The following PDE4B variants were observed in gnomAD, a reference collection of about 807,000 sequenced individuals.
PDE4B encodes phosphodiesterase 4B.
Under a neutral mutation model 82.2 loss-of-function variants are expected in PDE4B, and 20 were observed. The ratio of observed to expected loss-of-function variants is 0.24; its 90% confidence interval spans 0.17 to 0.35. The LOEUF is 0.35. Ranked by LOEUF, PDE4B falls within the 10% of genes least tolerant of loss-of-function variation. The probability of loss-of-function intolerance (pLI) is 1.00; values close to 1 mark genes in which losing one functional copy is unlikely to be tolerated. For missense variants in PDE4B, 655 were observed against 907.2 expected (o/e 0.72, Z 3.57); for synonymous variants, 320 against 318.9 (o/e 1.00, Z -0.04).
intron 9 of PDE4B, among the ~76,000 whole-genome samples, chr1:66,358,737 G>A (rs1471272488): frequency 6.6e-6 from 1 of 151,222 alleles, no homozygotes; most frequent in South Asian, 2.1e-4. Flanking sequence ...GTAAGACCAT[G>A]GCAACCACCT....
chr1:65,930,246 T>C (rs1437757065), intron 3 of PDE4B, among the ~76,000 whole-genome samples: 3 of 152,166 alleles, frequency 2.0e-5, no homozygotes, highest in Non-Finnish European at 2.9e-5. Flanking sequence ...AGATTAAGGG[T>C]GAATCCTCTT....
intron 1 of PDE4B, among the ~76,000 whole-genome samples, chr1:65,877,642 A>T (rs1646661750): frequency 6.6e-6 from 1 of 150,920 alleles, no homozygotes; most frequent in South Asian, 2.1e-4. Flanking sequence ...TAAATAAATA[A>T]ATAAATAAAT....
intron 1 of PDE4B, among the ~76,000 whole-genome samples, chr1:65,912,210 T>C (rs1049637324): frequency 6.6e-6 from 1 of 152,210 alleles, no homozygotes; most frequent in African/African-American, 2.4e-5. Flanking sequence ...TGTATTGTCT[T>C]GTAGTCTGTT....
chr1:65,808,319 GCAC>G (rs935852792), intron 1 of PDE4B, among the ~76,000 whole-genome samples: 1 of 151,948 alleles, frequency 6.6e-6, no homozygotes, highest in African/African-American at 2.4e-5. Context: ...CTACAGGCAT[GCAC>G]CACCACACCT....
intron 3 of PDE4B, among the ~76,000 whole-genome samples, chr1:66,069,491 G>T (rs912991109): frequency 1.3e-5 from 2 of 151,768 alleles, no homozygotes; most frequent in Admixed American, 6.6e-5. Flanking sequence ...TCTGCCTTTA[G>T]CATTTTCTAC....
At chr1:66,105,220 T>C (rs1645321305) in intron 3 of PDE4B, among the ~76,000 whole-genome samples, 1 of 144,380 alleles carries the variant, frequency 6.9e-6, no homozygotes. Context: ...TTCTTGTTTT[T>C]GTCATGTTTG....
At chr1:66,117,972 G>T (rs1027852783) in intron 3 of PDE4B, among the ~76,000 whole-genome samples, 3 of 152,200 alleles carry the variant, frequency 2.0e-5, no homozygotes, top group Non-Finnish European at 4.4e-5. Context: ...TCTAGCACCT[G>T]TGGTTTCCTG....
intron 7 of PDE4B, among the ~76,000 whole-genome samples, chr1:66,289,937 G>A (rs1272544143): frequency 6.6e-6 from 1 of 152,032 alleles, no homozygotes; most frequent in Non-Finnish European, 1.5e-5. Context: ...GGGACTGAAA[G>A]TAGAAATAGT....
At chr1:65,801,175 C>A (rs1394950468) in intron 1 of PDE4B, among the ~76,000 whole-genome samples, 1 of 152,082 alleles carries the variant, frequency 6.6e-6, no homozygotes. Flanking sequence ...CTGTGAGTGG[C>A]CATCTTGCAA....
chr1:65,900,873 T>C (rs947679330), intron 1 of PDE4B, among the ~76,000 whole-genome samples: 2 of 152,156 alleles, frequency 1.3e-5, no homozygotes, highest in Admixed American at 1.3e-4. Context: ...CCTTAGGGTT[T>C]TCTCTGTATA....
At chr1:65,908,489 C>T (rs1204116038) in intron 1 of PDE4B, among the ~76,000 whole-genome samples, 1 of 152,016 alleles carries the variant, frequency 6.6e-6, no homozygotes, top group Non-Finnish European at 1.5e-5. Flanking sequence ...AGAGATATAG[C>T]AAGGAACAGA....
chr1:65,897,314 C>T lies in PDE4B; in HGVS notation c.-70-15931C>T, dbSNP rs1480756516. 5.3e-5 allele frequency among the ~76,000 whole-genome samples: 8 copies of T among 152,180 alleles called. 1 individual carries two copies. The South Asian group carries it at 1.0e-3, about 20-fold the overall frequency. ...TAGAATAAAGTTTATATTGGAGAAT[C>T]TTCAAATGCCTATCATCAATCCTAG... On this transcript the variant is annotated intron_variant, in intron 1 of 16. Coordinates refer to ENST00000341517, the MANE Select transcript of PDE4B (RefSeq NM_002600.4).
rs184092425 is a variant in PDE4B, at chr1:66,216,997, C to T, written c.282-30463C>T. On this transcript the variant is annotated intron_variant, in intron 3 of 16. Transcript: ENST00000341517. Reference sequence around the variant, plus strand: ...TTGCATTTGAGATCAAATAAAGCCTCGAACTTAAATTACTCTCTTCTTACA... The same window carrying T: ...TTGCATTTGAGATCAAATAAAGCCTTGAACTTAAATTACTCTCTTCTTACA... Among the ~76,000 whole-genome samples the T allele has an allele frequency of 5.3e-4, 81 of 152,250 alleles. 1 individual carries two copies. Among genetic ancestry groups the T allele is most frequent in the Non-Finnish European group, 1.5e-4 (10 of 68,006 alleles).
chr1:65,991,930 C>T (rs766849273), intron 3 of PDE4B, among the ~76,000 whole-genome samples: 4 of 152,158 alleles, frequency 2.6e-5, no homozygotes, highest in Non-Finnish European at 4.4e-5. Context: ...GTTTTGTGAG[C>T]TTTGCTGTCA....
At chr1:65,925,029 T>C (rs1307862548) in intron 3 of PDE4B, among the ~76,000 whole-genome samples, 5 of 152,192 alleles carry the variant, frequency 3.3e-5, no homozygotes, top group Non-Finnish European at 7.4e-5. Flanking sequence ...GTGGAGATCA[T>C]TGGAGATCAG....
At chr1:65,846,748 C>A (rs774320741) in intron 1 of PDE4B, among the ~76,000 whole-genome samples, 1 of 152,102 alleles carries the variant, frequency 6.6e-6, no homozygotes. Context: ...AGAGTTACTT[C>A]ATTTATAGTT....
At chr1:66,057,025 A>G (rs906713525) in intron 3 of PDE4B, among the ~76,000 whole-genome samples, 1 of 152,194 alleles carries the variant, frequency 6.6e-6, no homozygotes. Context: ...GGAAATAAAT[A>G]TATTTTCGTT....
chr1:66,135,411 C>T (rs190368586), intron 3 of PDE4B, among the ~76,000 whole-genome samples: 204 of 152,188 alleles, frequency 1.3e-3, no homozygotes, highest in Middle Eastern at 6.8e-3. Flanking sequence ...AAGTCAGTCT[C>T]GCCATCAGGG....
chr1:65,929,956 C>T (rs1647739142), intron 3 of PDE4B, among the ~76,000 whole-genome samples: 2 of 152,262 alleles, frequency 1.3e-5, no homozygotes, highest in South Asian at 2.1e-4. Flanking sequence ...AATACTGTTC[C>T]TCTAGAACCA....
Sources: allele counts gnomAD v4.1 joint callset (sites outside exome capture counted in the v4.1 genomes callset), GRCh38; gene constraint gnomAD v4.1.1; transcripts MANE v1.5; gene names NCBI Gene and HGNC (gene_info 2026-07-23, HGNC 2026-07-21).